Variants in SHISA9 observed in about 807,000 individuals in gnomAD.
SHISA9 encodes the protein protein shisa-9.
A neutral mutation model predicts 38.0 loss-of-function variants in SHISA9; 13 were observed. That is an observed-to-expected ratio of 0.34 (90% CI 0.22 to 0.54). SHISA9 has a LOEUF of 0.54. Ranked by LOEUF, SHISA9 falls within the 20% of genes least tolerant of loss-of-function variation. The pLI is 0.91. For missense variants in SHISA9, 538 were observed against 575.8 expected, an observed-to-expected ratio of 0.93 and a Z score of 0.67; for synonymous variants, 275 against 242.0, an observed-to-expected ratio of 1.14 and a Z score of -1.27.
intron 2 of SHISA9, among the ~76,000 whole-genome samples, chr16:12,989,401 C>T (rs953107006): frequency 6.6e-6 from 1 of 152,116 alleles, no homozygotes; most frequent in African/African-American, 2.4e-5. Flanking sequence ...TGGTCTCGAA[C>T]TCCTGACCTC....
chr16:13,184,533 CA>C (rs1465666066), intron 2 of SHISA9, among the ~76,000 whole-genome samples: 1 of 152,182 alleles, frequency 6.6e-6, no homozygotes, highest in African/African-American at 2.4e-5. Context: ...TGAGTTTTGA[CA>C]AATGCGTAGA....
At chr16:13,535,198 A>G in the SHISA9 span, among the ~76,000 whole-genome samples, 1 of 152,292 alleles carries the variant, frequency 6.6e-6, no homozygotes, top group Admixed American at 6.5e-5. Flanking sequence ...GTGAGCTTAG[A>G]TTGTGCCACT....
chr16:12,925,136 G>T (rs367723660), intron 2 of SHISA9, among the ~76,000 whole-genome samples: 2 of 152,300 alleles, frequency 1.3e-5, no homozygotes, highest in South Asian at 2.1e-4. Context: ...TTCACTCTGC[G>T]TGCCAGTTGA....
At chr16:13,553,115 C>G in the SHISA9 span, among the ~76,000 whole-genome samples, 13 of 152,152 alleles carry the variant, frequency 8.5e-5, no homozygotes, top group African/African-American at 2.9e-4. Flanking sequence ...ACACCCCTGA[C>G]TGAGAACCAC....
chr16:13,071,775 C>T (rs1261346123), intron 2 of SHISA9, among the ~76,000 whole-genome samples: 2 of 151,916 alleles, frequency 1.3e-5, no homozygotes, highest in Non-Finnish European at 2.9e-5. Context: ...GTAGCTGGGA[C>T]TACAGGCATG....
At chr16:13,387,261 G>A in the SHISA9 span, among the ~76,000 whole-genome samples, 1 of 152,116 alleles carries the variant, frequency 6.6e-6, no homozygotes, top group Non-Finnish European at 1.5e-5. Flanking sequence ...AAATAGAATT[G>A]TTGTAAACAG....
At position 12,902,177 on chromosome 16, in the gene SHISA9, T is replaced by C. The variant is rs1325687635; in HGVS notation, c.113T>C (p.Val38Ala). 6.7e-7 allele frequency: 1 copy of C among 1,487,492 alleles called. No homozygotes were observed. The highest frequency in any genetic ancestry group is 8.9e-7 in the Non-Finnish European group (1 of 1,119,198). 92.1% of individuals were successfully genotyped at this position (1,487,492 alleles called of 1,614,324 possible). The change falls in exon 1 of 5, where the codon GTG becomes GCG. Residue 38 changes from valine (V) to alanine (A), a missense_variant. Val to Ala is a moderately conservative substitution (Grantham distance 64). Around this residue, in one of 4 missense-constraint regions of SHISA9, gnomAD observed 107 missense variants for 103.0 expected, o/e 1.04. Coordinates refer to ENST00000558583, the MANE Select transcript of SHISA9 (RefSeq NM_001145204.3). ...GHGQLAQLGG[V>A]LLLAGGNRSG... ...GGGCAGCTGGCGCAACTGGGCGGCG[T>C]GTTGCTGCTGGCGGGGGGCAACCGC...
chr16:12,978,212 C>G (rs1307982943), intron 2 of SHISA9, among the ~76,000 whole-genome samples: 2 of 152,118 alleles, frequency 1.3e-5, no homozygotes, highest in African/African-American at 2.4e-5. Context: ...CATCATCTAC[C>G]AAAATGGCAC....
chr16:12,962,707 T>G lies in SHISA9; in HGVS notation c.691+45892T>G, dbSNP rs574074458. On this transcript the variant is annotated intron_variant, in intron 2 of 4. Coordinates refer to ENST00000558583, the MANE Select transcript of SHISA9 (RefSeq NM_001145204.3). ...AGCCTCCAGAATTGTGAGAAATAAA[T>G]GTCTGTTGTTTAAGCCAACTGGTCT... Among the ~76,000 whole-genome samples the G allele has an allele frequency of 1.8e-3, 268 of 152,332 alleles. 3 individuals are homozygous for G. The highest frequency in any genetic ancestry group is 6.2e-3 in the African/African-American group (258 of 41,574).
At position 13,236,313 on chromosome 16, in the gene SHISA9, T is replaced by C. The variant is rs2051383967; in HGVS notation, c.*904T>C. ...CGGCAAATTAGGTGTTTTTTTTTTTTCAAAAATCTTGAAGACTTGTTGACA... is the reference window on the plus strand; with the variant it reads ...CGGCAAATTAGGTGTTTTTTTTTTTCCAAAAATCTTGAAGACTTGTTGACA... On this transcript the variant is annotated 3_prime_UTR_variant, in exon 5 of 5. Coordinates refer to ENST00000558583, the MANE Select transcript of SHISA9 (RefSeq NM_001145204.3). 6.6e-6 allele frequency: 1 copy of C among 151,042 alleles called. No homozygotes were observed. The allele number at this position is 151,042 out of a possible 1,614,324, so 9.4% of individuals were successfully genotyped here. A position where few individuals can be genotyped will look rare whatever the true frequency, so the allele number is the denominator to read the frequency against.
chr16:13,211,884 G>A (rs1218344177), intron 3 of SHISA9, among the ~76,000 whole-genome samples: 4 of 152,186 alleles, frequency 2.6e-5, no homozygotes, highest in Admixed American at 6.5e-5. Context: ...AGGAAGAATG[G>A]GGGTCGCACC....
the SHISA9 span, among the ~76,000 whole-genome samples, chr16:13,469,672 C>G: frequency 2.6e-5 from 4 of 152,334 alleles, no homozygotes; most frequent in East Asian, 7.7e-4. Flanking sequence ...TCACATCCCA[C>G]CTGTGCATCC....
chr16:12,911,680 G>A (rs12598813), intron 1 of SHISA9: 21,578 of 152,202 alleles, frequency 0.14, 1,598 homozygotes, highest in South Asian at 0.28. Flanking sequence ...ATTTTTATCT[G>A]ACTTTGTTTT....
intron 2 of SHISA9, among the ~76,000 whole-genome samples, chr16:13,032,609 T>C (rs1375604495): frequency 6.6e-6 from 1 of 152,224 alleles, no homozygotes; most frequent in Non-Finnish European, 1.5e-5. Flanking sequence ...GCAGCAGAAC[T>C]GACTGTGTAA....
intron 2 of SHISA9, among the ~76,000 whole-genome samples, chr16:13,194,403 G>A (rs1003761840): frequency 6.6e-6 from 1 of 152,190 alleles, no homozygotes; most frequent in African/African-American, 2.4e-5. Context: ...CAGGTTCAAA[G>A]CTTGGCTCTG....
chr16:13,005,826 T>G (rs2072591055), intron 2 of SHISA9, among the ~76,000 whole-genome samples: 1 of 152,150 alleles, frequency 6.6e-6, no homozygotes, highest in Non-Finnish European at 1.5e-5. Context: ...AACAGACACT[T>G]TGCTCCTTGG....
chr16:13,041,506 A>G (rs1435526117), intron 2 of SHISA9, among the ~76,000 whole-genome samples: 3 of 152,132 alleles, frequency 2.0e-5, no homozygotes, highest in African/African-American at 7.2e-5. Flanking sequence ...GCTTCTGTAG[A>G]CTGCTTTCTA....
chr16:13,129,547 C>G (rs996173883), intron 2 of SHISA9, among the ~76,000 whole-genome samples: 2 of 152,148 alleles, frequency 1.3e-5, no homozygotes, highest in Non-Finnish European at 2.9e-5. Flanking sequence ...TGTAGAGAAG[C>G]CTGGTACATC....
the SHISA9 span, among the ~76,000 whole-genome samples, chr16:13,411,807 C>G: frequency 6.6e-6 from 1 of 152,188 alleles, no homozygotes; most frequent in African/African-American, 2.4e-5. Context: ...GACACACAAG[C>G]TTTATTCTAG....
Sources: allele counts gnomAD v4.1 joint callset (sites outside exome capture counted in the v4.1 genomes callset), GRCh38; gene constraint gnomAD v4.1.1; regional missense constraint gnomAD v4.1.1; transcripts MANE v1.5; gene names NCBI Gene and HGNC (gene_info 2026-07-23, HGNC 2026-07-21).